Variants in CCNE2 observed in about 807,000 individuals in gnomAD.
The protein encoded by CCNE2 is G1/S-specific cyclin-E2.
CCNE2 carries 18 observed loss-of-function variants against 56.8 expected under a neutral mutation model. The observed-to-expected ratio is 0.32, with a 90% CI of 0.22 to 0.47. The LOEUF is 0.47. Ranked by LOEUF, CCNE2 falls within the 20% of genes least tolerant of loss-of-function variation. CCNE2 has a pLI of 1.00. For synonymous variants in CCNE2, 139 were observed against 149.2 expected (o/e 0.93, Z 0.50); for missense variants, 371 against 467.1 (o/e 0.79, Z 1.90).
upstream of CCNE2, chr8:94,895,233 C>G (rs1051324560): frequency 8.1e-6 from 8 of 985,614 alleles, no homozygotes; most frequent in Non-Finnish European, 9.6e-6. Flanking sequence ...AATATATAGG[C>G]CGGGCCGGTC....
intron 6 of CCNE2, among the ~76,000 whole-genome samples, chr8:94,888,565 T>A (rs2131111365): frequency 6.6e-6 from 1 of 151,964 alleles, no homozygotes; most frequent in East Asian, 1.9e-4. Context: ...TGACAGGGTC[T>A]CACTTTGTCA....
intron 10 of CCNE2, among the ~76,000 whole-genome samples, 190 bp from the exon 11 acceptor site, chr8:94,882,479 G>C (rs1816860446): frequency 1.3e-5 from 2 of 152,188 alleles, no homozygotes; most frequent in Admixed American, 1.3e-4. Flanking sequence ...AGGGAAAAAG[G>C]ACTTCAGAAC....
In CCNE2 at chr8:94,880,533, A is replaced by T; in HGVS notation, c.*1099T>A. 3.3e-6 allele frequency: 1 copy of T among 302,346 alleles called. No individual in the cohort carries two copies. The allele number at this position is 302,346 out of a possible 1,614,324, so 18.7% of individuals were successfully genotyped here. ...ATTTTTTTTTTAGAAAAGCTAATTT[A>T]AAATATTTAGAAATAGCTAGCCTAT... On this transcript the variant is annotated 3_prime_UTR_variant, in exon 12 of 12. Coordinates refer to ENST00000308108, the MANE Select transcript of CCNE2 (RefSeq NM_057749.3).
chr8:94,880,834 G>T lies in CCNE2; in HGVS notation c.*798C>A, dbSNP rs1322197594. Reference sequence around the variant, plus strand: ...TTCCTCATATAAATAGTTTGAAAGGGTACTTAAGTTTTTCACCCAAATTGT... The same window carrying T: ...TTCCTCATATAAATAGTTTGAAAGGTTACTTAAGTTTTTCACCCAAATTGT... On this transcript the variant is annotated 3_prime_UTR_variant, in exon 12 of 12. Coordinates refer to ENST00000308108, the MANE Select transcript of CCNE2 (RefSeq NM_057749.3). The T allele has an allele frequency of 2.5e-6, 1 of 398,340 alleles. No homozygotes were observed. The highest frequency in any genetic ancestry group is 2.1e-5 in the African/African-American group (1 of 48,520). The allele number at this position is 398,340 out of a possible 1,614,324, so 24.7% of individuals were successfully genotyped here. A position where few individuals can be genotyped will look rare whatever the true frequency, so the allele number is the denominator to read the frequency against.
chr8:94,888,001 T>A lies in CCNE2; in HGVS notation c.526A>T (p.Thr176Ser), dbSNP rs1293890492. ...ATATTTTTATTTATATCCTTTTGTG[T>A]CAACATAAATCTATCAAAAAAGTCT... The part of the protein sequence containing the change: ...AQDFFDRFML[T>S]QKDINKNMLQ... The change falls in exon 7 of 12, where the codon ACA (threonine) becomes TCA (serine). Residue 176 changes from threonine (T) to serine (S), a missense_variant. Thr to Ser is a moderately conservative substitution (Grantham distance 58). Coordinates refer to ENST00000308108, the MANE Select transcript of CCNE2 (RefSeq NM_057749.3). 1 of 1,594,918 alleles carries A rather than the reference T, an allele frequency of 6.3e-7. No individual in the cohort carries two copies. The highest frequency in any genetic ancestry group is 1.3e-5 in the African/African-American group (1 of 74,198).
At chr8:94,882,712 A>G in intron 10 of CCNE2, 69 bp downstream of exon 10, 2 of 1,027,668 alleles carry the variant, frequency 1.9e-6, no homozygotes, top group Non-Finnish European at 3.0e-6. Context: ...GCAGAATGTT[A>G]AAGTTCAGAG....
chr8:94,890,593 T>TA (rs768605534), intron 5 of CCNE2, 43 bp from the exon 6 acceptor site: 243 of 97,156 alleles, frequency 2.5e-3, no homozygotes, highest in Admixed American at 0.012. Context: ...ATATATATAT[T>TA]TTTTTTTTTT....
Position 94,885,900 on chromosome 8 carries a change from GGA to G in CCNE2, c.601-344_601-343del, listed in dbSNP as rs112710014. 2.5e-3 allele frequency among the ~76,000 whole-genome samples: 379 copies of G among 151,860 alleles called. 3 individuals are homozygous for G. Among genetic ancestry groups the G allele is most frequent in the African/African-American group, 8.6e-3 (358 of 41,402 alleles). ...TGCCCGGCTATTTTTTGCATTTTCA[GGA>G]GAGAGAGGGTTTCACCATGTAGGCC... On this transcript the variant is annotated intron_variant, in intron 7 of 11. Coordinates refer to ENST00000308108, the MANE Select transcript of CCNE2 (RefSeq NM_057749.3).
rs1166237402 is a variant in CCNE2 at position 94,890,566 on chromosome 8, A to G, written c.318-16T>C. 4.8e-6 allele frequency: 6 copies of G among 1,262,698 alleles called. No individual in the cohort carries two copies. The highest frequency in any genetic ancestry group is 5.4e-5 in the East Asian group (2 of 37,166). 78.2% of individuals were successfully genotyped at this position (1,262,698 alleles called of 1,614,324 possible). A position where few individuals can be genotyped will look rare whatever the true frequency, so the allele number is the denominator to read the frequency against. ...ACATCCCCAGCTATGGAAAGAGAGGAAAAAAACCATATATATATATATATA... is the reference window on the plus strand; with the variant it reads ...ACATCCCCAGCTATGGAAAGAGAGGGAAAAAACCATATATATATATATATA... On this transcript the variant is annotated splice_polypyrimidine_tract_variant and intron_variant, in intron 5 of 11. Coordinates refer to ENST00000308108, the MANE Select transcript of CCNE2 (RefSeq NM_057749.3).
At chr8:94,885,246 A>G (rs773380114) in intron 8 of CCNE2, 45 bp from the exon 9 acceptor site, 2 of 1,549,160 alleles carry the variant, frequency 1.3e-6, no homozygotes, top group South Asian at 2.2e-5. Flanking sequence ...ATGTAGACAC[A>G]TACACCACAT....
At position 94,892,015 on chromosome 8, in the gene CCNE2, C is replaced by T. The variant is rs28399560; in HGVS notation, c.317+803G>A. The stretch of plus-strand genomic sequence containing the variant: ...CGAAATGATCTTTAGTGAAAAGGAA[C>T]AAATTGTTCCTAAACCAGAAGAGGC... On this transcript the variant is annotated intron_variant, in intron 5 of 11. Transcript: ENST00000308108. 1.7e-4 allele frequency: 143 copies of T among 829,828 alleles called. 1 individual carries two copies. Among genetic ancestry groups the T allele is most frequent in the South Asian group, 7.8e-4 (59 of 75,172 alleles). The allele number at this position is 829,828 out of a possible 1,614,324, so 51.4% of individuals were successfully genotyped here.
In CCNE2 at chr8:94,881,219, C is replaced by G. The variant is rs28399588; in HGVS notation, c.*413G>C. 12,169 of 367,738 alleles carry G rather than the reference C, an allele frequency of 0.033. 230 individuals are homozygous for G. The highest frequency in any genetic ancestry group is 0.04 in the Non-Finnish European group (8,230 of 207,556). The allele number at this position is 367,738 out of a possible 1,614,324, so 22.8% of individuals were successfully genotyped here. On this transcript the variant is annotated 3_prime_UTR_variant, in exon 12 of 12. Coordinates refer to ENST00000308108, the MANE Select transcript of CCNE2 (RefSeq NM_057749.3). ...TCAAGAGTGTAGGAATTTTGAGAAT[C>G]TAACAACTAGATTCAAAGTACTGTA...
In CCNE2 at chr8:94,890,482, T is replaced by C. The variant is rs1184781537; in HGVS notation, c.386A>G (p.His129Arg). 1 of 1,608,206 alleles carries C rather than the reference T, an allele frequency of 6.2e-7. No homozygotes were observed. The stretch of plus-strand genomic sequence containing the variant: ...CAAGTCAGAATGCAGAACTTCAAAA[T>C]GTTTGTCATGAACATATCTGCTCTC... ...KKESRYVHDK[H>R]FEVLHSDLEP... Residue 129 changes from histidine to arginine, a missense_variant, in exon 6 of 12, where the codon CAT (histidine) becomes CGT (arginine). Coordinates refer to ENST00000308108, the MANE Select transcript of CCNE2 (RefSeq NM_057749.3).
rs1816879533 is a variant in CCNE2, at chr8:94,882,892, G to A, written c.832C>T (p.Leu278Phe). 1 of 1,598,348 alleles carries A rather than the reference G, an allele frequency of 6.3e-7. No homozygotes were observed. The highest frequency in any genetic ancestry group is 1.7e-4 in the Middle Eastern group (1 of 6,026). Reference protein sequence around the residue: ...SQETFIQIAQLLDLCILAIDS... With the variant: ...SQETFIQIAQFLDLCILAIDS... ...ATGGCTAGAATACACAGATCTAAAA[G>A]CTAACAGGAAAAACAAAAGTACAAG... The change falls in exon 10 of 12, where the codon CTT (leucine) becomes TTT (phenylalanine). Residue 278 changes from leucine to phenylalanine, a missense_variant and splice_region_variant. Coordinates refer to ENST00000308108, the MANE Select transcript of CCNE2 (RefSeq NM_057749.3).
rs368418645 is a variant in CCNE2, at chr8:94,880,341, C to T, written c.*1291G>A. 14 of 581,192 alleles carry T rather than the reference C, an allele frequency of 2.4e-5. No individual in the cohort carries two copies. The highest frequency in any genetic ancestry group is 1.9e-4 in the African/African-American group (10 of 52,620). 36.0% of individuals were successfully genotyped at this position (581,192 alleles called of 1,614,324 possible). A position where few individuals can be genotyped will look rare whatever the true frequency, so the allele number is the denominator to read the frequency against. On this transcript the variant is annotated 3_prime_UTR_variant, in exon 12 of 12. Transcript: ENST00000308108. ...ATATGTACACAATTAGTGGTGTTTTCTTTTCAGACAAAATACTGAAACAAA... is the reference window on the plus strand; with the variant it reads ...ATATGTACACAATTAGTGGTGTTTTTTTTTCAGACAAAATACTGAAACAAA...
At chr8:94,896,550 G>C (rs904392950), upstream of CCNE2, 1 of 152,222 alleles carries the variant, frequency 6.6e-6, no homozygotes, top group East Asian at 1.9e-4. Flanking sequence ...CGGGAACAAA[G>C]ATCCCCCGGG....
At chr8:94,886,163 C>T (rs1313397296) in intron 7 of CCNE2, among the ~76,000 whole-genome samples, 3 of 152,134 alleles carry the variant, frequency 2.0e-5, no homozygotes, top group Admixed American at 6.5e-5. Flanking sequence ...CATCTATATA[C>T]AAATCACACA....
intron 5 of CCNE2, chr8:94,891,686 T>C (rs982860698): frequency 5.4e-5 from 24 of 446,306 alleles, no homozygotes; most frequent in Middle Eastern, 1.4e-3. Flanking sequence ...AAAAACACCA[T>C]GAAGTATTTT....
chr8:94,891,358 T>C, intron 5 of CCNE2: 1 of 251,566 alleles, frequency 4.0e-6, no homozygotes, highest in Non-Finnish European at 8.0e-6. Flanking sequence ...AGGGTATGCA[T>C]ATATGAAAAA....
Sources: allele counts gnomAD v4.1 joint callset (sites outside exome capture counted in the v4.1 genomes callset), GRCh38; gene constraint gnomAD v4.1.1; transcripts MANE v1.5; gene names NCBI Gene and HGNC (gene_info 2026-07-23, HGNC 2026-07-21).